PTK2B: variants seen among roughly 807,000 people sequenced by gnomAD.
PTK2B encodes protein-tyrosine kinase 2-beta.
Under a neutral mutation model 142.9 loss-of-function variants are expected in PTK2B, and 71 were observed. The observed-to-expected ratio is 0.50, with a 90% CI of 0.41 to 0.61. The LOEUF (loss-of-function observed/expected upper bound fraction) is 0.61, where lower values mean the gene tolerates loss of function less well. PTK2B is among the 20% of genes least tolerant of loss of function. The probability of loss-of-function intolerance (pLI) is 0.00; values close to 1 mark genes in which losing one functional copy is unlikely to be tolerated. For missense variants in PTK2B, 1,105 were observed against 1,320.4 expected, an observed-to-expected ratio of 0.84 and a Z score of 2.53; for synonymous variants, 519 against 503.4, an observed-to-expected ratio of 1.03 and a Z score of -0.42.
At chr8:27,388,546 G>A (rs994156475) in intron 1 of PTK2B, among the ~76,000 whole-genome samples, 7 of 152,198 alleles carry the variant, frequency 4.6e-5, no homozygotes, top group African/African-American at 1.4e-4. Context: ...ACTGTCAGAG[G>A]TGGCTTGAGG....
At chr8:27,391,415 C>G (rs943658294) in intron 1 of PTK2B, among the ~76,000 whole-genome samples, 1 of 152,200 alleles carries the variant, frequency 6.6e-6, no homozygotes, top group Non-Finnish European at 1.5e-5. Flanking sequence ...AACTTTCAGT[C>G]CTCAAGACCA....
chr8:27,400,068 T>C (rs1362585883), intron 2 of PTK2B, among the ~76,000 whole-genome samples: 2 of 152,222 alleles, frequency 1.3e-5, no homozygotes, highest in Non-Finnish European at 2.9e-5. Flanking sequence ...AATTGTCTTC[T>C]TTTGGTGTCT....
chr8:27,436,432 G>C, intron 15 of PTK2B, 84 bp downstream of exon 15: 1 of 1,357,454 alleles, frequency 7.4e-7, no homozygotes, highest in Non-Finnish European at 1.0e-6. Flanking sequence ...GGTTGGAGTT[G>C]GCACAGCCTT....
upstream of PTK2B, chr8:27,311,187 C>T: frequency 6.2e-7 from 1 of 1,602,072 alleles, no homozygotes; most frequent in Non-Finnish European, 8.5e-7. Flanking sequence ...AGCAACTCCT[C>T]CTTGAAGGAG....
At position 27,367,503 on chromosome 8, in the gene PTK2B, C is replaced by G. The variant is rs111263008; in HGVS notation, c.-37-30045C>G. 2.9e-3 allele frequency among the ~76,000 whole-genome samples: 446 copies of G among 152,348 alleles called. 4 individuals carry two copies. Among genetic ancestry groups the G allele is most frequent in the African/African-American group, 9.8e-3 (408 of 41,570 alleles). ...AGGCCCCCAGGACGATGGCCTCTCT[C>G]CTCAGTCACCCCAGGTCAGTCCCCA... On this transcript the variant is annotated intron_variant, in intron 1 of 30. Coordinates refer to ENST00000346049, the MANE Select transcript of PTK2B (RefSeq NM_173176.3).
chr8:27,434,180 C>A, intron 12 of PTK2B, 48 bp downstream of exon 12: 2 of 1,592,902 alleles, frequency 1.3e-6, no homozygotes, highest in Non-Finnish European at 8.6e-7. Context: ...TCAGCCTGTG[C>A]TGCTGAGAGG....
At chr8:27,373,545 G>A (rs1263554129) in intron 1 of PTK2B, among the ~76,000 whole-genome samples, 1 of 152,078 alleles carries the variant, frequency 6.6e-6, no homozygotes, top group Non-Finnish European at 1.5e-5. Context: ...AGCTGGGTGT[G>A]GTGGCACACA....
intron 1 of PTK2B, among the ~76,000 whole-genome samples, chr8:27,384,789 C>T (rs1563239627): frequency 6.6e-6 from 1 of 152,204 alleles, no homozygotes; most frequent in Non-Finnish European, 1.5e-5. Context: ...GATATTTACA[C>T]TATATATTCC....
At chr8:27,325,874 G>A (rs1586078781) in intron 1 of PTK2B, among the ~76,000 whole-genome samples, 193 bp downstream of exon 1, 3 of 152,344 alleles carry the variant, frequency 2.0e-5, no homozygotes, top group African/African-American at 7.2e-5. Flanking sequence ...GCCTTCCGCG[G>A]GGAAGAGGGG....
At chr8:27,319,815 T>C (rs985154415) in intron 3 of PTK2B, among the ~76,000 whole-genome samples, 3 of 152,180 alleles carry the variant, frequency 2.0e-5, no homozygotes, top group East Asian at 1.9e-4. Context: ...CCTTAACTTA[T>C]ATCTAAAAGA....
At chr8:27,386,581 G>C (rs1360999913) in intron 1 of PTK2B, among the ~76,000 whole-genome samples, 1 of 152,072 alleles carries the variant, frequency 6.6e-6, no homozygotes, top group Admixed American at 6.5e-5. Context: ...ACACACAGGT[G>C]GCATCCTGTT....
At chr8:27,364,571 G>A (rs1307605602) in intron 1 of PTK2B, among the ~76,000 whole-genome samples, 4 of 152,180 alleles carry the variant, frequency 2.6e-5, no homozygotes, top group Non-Finnish European at 4.4e-5. Flanking sequence ...GGAGACATTC[G>A]CTCAGTACTG....
intron 1 of PTK2B, among the ~76,000 whole-genome samples, chr8:27,348,068 T>A (rs971492184): frequency 1.3e-5 from 2 of 152,198 alleles, no homozygotes; most frequent in Non-Finnish European, 2.9e-5. Context: ...CCCAAGGTGC[T>A]TTTCAATTCA....
At chr8:27,375,992 T>C (rs1806649037) in intron 1 of PTK2B, among the ~76,000 whole-genome samples, 1 of 152,094 alleles carries the variant, frequency 6.6e-6, no homozygotes, top group South Asian at 2.1e-4. Context: ...TGCTCAGCCG[T>C]GCTGTGGGAT....
chr8:27,350,968 T>A, intron 1 of PTK2B, among the ~76,000 whole-genome samples: 1 of 54,456 alleles, frequency 1.8e-5, no homozygotes, highest in East Asian at 5.5e-4. Flanking sequence ...AGAGAAAGTC[T>A]CCGTCTCAAA....
intron 2 of PTK2B, among the ~76,000 whole-genome samples, chr8:27,402,417 T>C (rs1008308046): frequency 4.6e-5 from 7 of 152,152 alleles, no homozygotes; most frequent in Non-Finnish European, 8.8e-5. Flanking sequence ...GCTGAGTAGA[T>C]CCTTGGATAC....
rs566462076 is a variant in PTK2B, at chr8:27,450,746, CAGG to C, written c.2346_2348del (p.Glu782del). ...CTCTCCCTTCTCTCTGCCGTCCTCC[CAGG>C]AGGAGGACTTCATCCAACCCAGCAG... On this transcript the variant is annotated splice_acceptor_variant and coding_sequence_variant, in exon 25 of 31. Transcript: ENST00000346049. LOFTEE classifies it high-confidence loss of function. The C allele has an allele frequency of 3.3e-4, 540 of 1,614,028 alleles. 2 individuals are homozygous for C. The highest frequency in any genetic ancestry group is 4.3e-4 in the Non-Finnish European group (502 of 1,180,000).
At chr8:27,377,248 A>T (rs1806727818) in intron 1 of PTK2B, among the ~76,000 whole-genome samples, 1 of 152,148 alleles carries the variant, frequency 6.6e-6, no homozygotes, top group Admixed American at 6.5e-5. Context: ...GCTTGAAGGA[A>T]CCAGAGGAAC....
chr8:27,373,689 A>C (rs913282783), intron 1 of PTK2B, among the ~76,000 whole-genome samples: 1 of 151,932 alleles, frequency 6.6e-6, no homozygotes, highest in African/African-American at 2.4e-5. Flanking sequence ...TTCTAAAATA[A>C]ATTTTTTTTA....
Sources: allele counts gnomAD v4.1 joint callset (sites outside exome capture counted in the v4.1 genomes callset), GRCh38; gene constraint gnomAD v4.1.1; transcripts MANE v1.5; gene names NCBI Gene and HGNC (gene_info 2026-07-23, HGNC 2026-07-21).